Variants in LRRC4C observed in about 807,000 individuals in gnomAD.
LRRC4C encodes leucine-rich repeat-containing protein 4C.
In LRRC4C, 5 loss-of-function variants were observed where a neutral mutation model predicts 33.6. That is an observed-to-expected ratio of 0.15 (90% CI 0.08 to 0.31). The LOEUF (loss-of-function observed/expected upper bound fraction) is 0.31. Among genes scored for constraint, LRRC4C ranks in the 10% least tolerant of loss-of-function variants. LRRC4C has a pLI of 1.00. For missense variants in LRRC4C, 560 were observed against 796.7 expected (o/e 0.70, Z 3.58); for synonymous variants, 329 against 302.0 (o/e 1.09, Z -0.93).
intron 2 of LRRC4C, among the ~76,000 whole-genome samples, chr11:40,870,009 T>G (rs539267932): frequency 5.9e-5 from 9 of 152,216 alleles, no homozygotes; most frequent in African/African-American, 2.2e-4. Context: ...TAACATACTG[T>G]GGTGCCGTGT....
At chr11:41,270,494 C>T (rs921790575) in intron 1 of LRRC4C, among the ~76,000 whole-genome samples, 1 of 152,098 alleles carries the variant, frequency 6.6e-6, no homozygotes, top group African/African-American at 2.4e-5. Context: ...TGGGAATAGG[C>T]ATGGGCCCAC....
At chr11:41,127,775 C>T (rs981419632) in intron 1 of LRRC4C, among the ~76,000 whole-genome samples, 5 of 152,036 alleles carry the variant, frequency 3.3e-5, no homozygotes, top group Admixed American at 1.3e-4. Flanking sequence ...TATTATTGAA[C>T]GATGGAGCTT....
At chr11:41,439,744 A>G (rs1457483567) in intron 1 of LRRC4C, among the ~76,000 whole-genome samples, 2 of 152,146 alleles carry the variant, frequency 1.3e-5, no homozygotes, top group Non-Finnish European at 2.9e-5. Flanking sequence ...CAACACAGAG[A>G]TGGTGGCTGT....
intron 2 of LRRC4C, among the ~76,000 whole-genome samples, chr11:40,683,240 T>C (rs1255706154): frequency 2.0e-5 from 3 of 152,186 alleles, no homozygotes; most frequent in African/African-American, 7.2e-5. Flanking sequence ...TCCGTAAGTA[T>C]AGGTATGCTC....
chr11:41,075,907 T>C (rs1283115922), intron 1 of LRRC4C, among the ~76,000 whole-genome samples: 1 of 152,188 alleles, frequency 6.6e-6, no homozygotes, highest in East Asian at 1.9e-4. Flanking sequence ...TAAATCCTTC[T>C]AATCTTCTTG....
intron 3 of LRRC4C, among the ~76,000 whole-genome samples, chr11:40,485,960 A>G (rs565919766): frequency 6.6e-6 from 1 of 152,032 alleles, no homozygotes; most frequent in Admixed American, 6.6e-5. Flanking sequence ...ACATGGACAC[A>G]TATCAGTGAA....
intron 4 of LRRC4C, among the ~76,000 whole-genome samples, chr11:40,254,018 G>T (rs1246337382): frequency 1.3e-5 from 2 of 152,062 alleles, no homozygotes. Flanking sequence ...CATTTCTGTA[G>T]ATCTTATATT....
chr11:41,344,230 T>C (rs540826086), intron 1 of LRRC4C, among the ~76,000 whole-genome samples: 14 of 148,714 alleles, frequency 9.4e-5, no homozygotes, highest in East Asian at 2.0e-4. Flanking sequence ...GCCTTTCTTT[T>C]TTTTTTTTTT....
intron 3 of LRRC4C, among the ~76,000 whole-genome samples, chr11:40,504,508 C>T (rs896776491): frequency 2.6e-5 from 4 of 151,962 alleles, no homozygotes; most frequent in African/African-American, 7.2e-5. Context: ...GAATCCAGAG[C>T]TCAGGTATCA....
chr11:40,281,321 A>G (rs755914101), intron 4 of LRRC4C, among the ~76,000 whole-genome samples: 1 of 152,094 alleles, frequency 6.6e-6, no homozygotes, highest in Non-Finnish European at 1.5e-5. Context: ...TCATTCATCC[A>G]CACACGTGCT....
chr11:40,802,962 G>T (rs1167753167), intron 2 of LRRC4C, among the ~76,000 whole-genome samples: 6 of 152,158 alleles, frequency 3.9e-5, no homozygotes, highest in Non-Finnish European at 7.4e-5. Flanking sequence ...CCTTGCAAGA[G>T]AAAAGGCAAT....
At chr11:40,460,295 G>A (rs1446256708) in intron 3 of LRRC4C, among the ~76,000 whole-genome samples, 2 of 151,656 alleles carry the variant, frequency 1.3e-5, no homozygotes, top group Non-Finnish European at 2.9e-5. Flanking sequence ...AGGAACGGAG[G>A]GATTTTAATT....
chr11:40,462,227 A>G (rs931022164), intron 3 of LRRC4C, among the ~76,000 whole-genome samples: 7 of 152,118 alleles, frequency 4.6e-5, no homozygotes, highest in Non-Finnish European at 1.0e-4. Flanking sequence ...TATTCATAAC[A>G]TAAGAGTTTA....
chr11:40,593,914 T>A (rs1322440738), intron 3 of LRRC4C, among the ~76,000 whole-genome samples: 3 of 152,194 alleles, frequency 2.0e-5, no homozygotes, highest in African/African-American at 7.2e-5. Flanking sequence ...AAATCAATGA[T>A]AATTTTAGAG....
At chr11:40,433,924 A>G (rs1951037600) in intron 3 of LRRC4C, among the ~76,000 whole-genome samples, 1 of 152,176 alleles carries the variant, frequency 6.6e-6, no homozygotes, top group African/African-American at 2.4e-5. Context: ...GGACTGAGAA[A>G]TTTTCAAAAA....
chr11:40,227,843 T>A (rs1472362570), intron 5 of LRRC4C, among the ~76,000 whole-genome samples: 1 of 152,192 alleles, frequency 6.6e-6, no homozygotes, highest in African/African-American at 2.4e-5. Flanking sequence ...TTAATATTTT[T>A]AAAAGGAGGT....
At chr11:40,360,299 G>C (rs1283643538) in intron 3 of LRRC4C, among the ~76,000 whole-genome samples, 1 of 152,124 alleles carries the variant, frequency 6.6e-6, no homozygotes, top group Non-Finnish European at 1.5e-5. Context: ...TTGAAAGGCA[G>C]AATATCAGAG....
rs112303013 is a variant in LRRC4C at position 40,910,746 on chromosome 11, G to A, written c.-407+22889C>T. 4.5e-3 allele frequency among the ~76,000 whole-genome samples: 681 copies of A among 152,294 alleles called. 4 individuals carry two copies. The highest frequency in any genetic ancestry group is 0.01 in the Middle Eastern group (3 of 294). ...CCGAGCTTGAGCCGGAGCAAGGCGA[G>A]GCATCACCTCACCCAGGAAGTGCAA... On this transcript the variant is annotated intron_variant, in intron 2 of 6. Coordinates refer to ENST00000528697, the MANE Select transcript of LRRC4C (RefSeq NM_001258419.2).
intron 2 of LRRC4C, among the ~76,000 whole-genome samples, chr11:40,924,640 G>A (rs1175422493): frequency 6.6e-6 from 1 of 152,074 alleles, no homozygotes; most frequent in Admixed American, 6.6e-5. Flanking sequence ...TAGAAGAGAG[G>A]ATCTGGAAGG....
Sources: allele counts gnomAD v4.1 joint callset (sites outside exome capture counted in the v4.1 genomes callset), GRCh38; gene constraint gnomAD v4.1.1; transcripts MANE v1.5; gene names NCBI Gene and HGNC (gene_info 2026-07-23, HGNC 2026-07-21).